The following VLDLR variants were observed in gnomAD, a reference collection of about 807,000 sequenced individuals.
VLDLR encodes the protein very low density lipoprotein receptor.
A neutral mutation model predicts 112.7 loss-of-function variants in VLDLR; 81 were observed. The ratio of observed to expected loss-of-function variants is 0.72; its 90% CI spans 0.60 to 0.86. The LOEUF is 0.86. Among genes scored for constraint, VLDLR ranks in the 40% least tolerant of loss-of-function variants. VLDLR has a pLI of 0.00. For missense variants in VLDLR, 1,237 were observed against 1,099.4 expected (o/e 1.13, Z -1.77); for synonymous variants, 436 against 384.8 (o/e 1.13, Z -1.56).
intron 1 of VLDLR, 28 bp downstream of exon 1, chr9:2,622,299 C>T (rs1361035567): frequency 2.8e-6 from 4 of 1,445,468 alleles, no homozygotes; most frequent in South Asian, 1.4e-5. Context: ...CCTCCGCCGG[C>T]GGGCGGGACC....
Position 2,645,724 on chromosome 9 carries a change from T to G in VLDLR, c.1463T>G (p.Leu488Arg). ...GCCCAGAAACTATTCTGGGCCGATCTAAGCCAAAAGGCTATCTTCAGGTAA... is the reference window on the plus strand; with the variant it reads ...GCCCAGAAACTATTCTGGGCCGATCGAAGCCAAAAGGCTATCTTCAGGTAA... Reference protein sequence around the residue: ...IAAQKLFWADLSQKAIFSASI... With the variant: ...IAAQKLFWADRSQKAIFSASI... The change falls in exon 10 of 19, where the codon CTA (leucine) becomes CGA (arginine). Residue 488 changes from leucine (L) to arginine (R), a missense_variant. Coordinates refer to ENST00000382100, the MANE Select transcript of VLDLR (RefSeq NM_003383.5). 1 of 1,614,230 alleles carries G rather than the reference T, an allele frequency of 6.2e-7. No individual in the cohort carries two copies. The highest frequency in any genetic ancestry group is 8.5e-7 in the Non-Finnish European group (1 of 1,180,028).
Position 2,621,998 on chromosome 9 carries a change from G to T in VLDLR, c.-192G>T. Reference sequence around the variant, plus strand: ...GAGGTGGCTGGGTGGGTGGGGAGGAGACTGTGCAAGTTGTAGGGGAGGGGG... The same window carrying T: ...GAGGTGGCTGGGTGGGTGGGGAGGATACTGTGCAAGTTGTAGGGGAGGGGG... On this transcript the variant is annotated 5_prime_UTR_variant, in exon 1 of 19. Transcript: ENST00000382100. 1 of 651,778 alleles carries T rather than the reference G, an allele frequency of 1.5e-6. No homozygotes were observed. The highest frequency in any genetic ancestry group is 1.7e-5 in the South Asian group (1 of 58,766). 40.4% of individuals were successfully genotyped at this position (651,778 alleles called of 1,614,324 possible).
chr9:2,631,986 C>T (rs998841222), intron 1 of VLDLR, among the ~76,000 whole-genome samples: 4 of 152,196 alleles, frequency 2.6e-5, no homozygotes, highest in African/African-American at 9.6e-5. Flanking sequence ...TGTGCATATT[C>T]TATAGTCTGA....
chr9:2,648,948 C>A, intron 14 of VLDLR, 138 bp downstream of exon 14: 1 of 1,062,624 alleles, frequency 9.4e-7, no homozygotes, highest in Non-Finnish European at 1.4e-6. Flanking sequence ...CTACCTTAAA[C>A]ATTTCACATG....
rs146905297 is a variant in VLDLR at position 2,658,789 on chromosome 9, G to T, written c.*4921G>T. 2 of 152,128 alleles carry T rather than the reference G, an allele frequency of 1.3e-5. No individual in the cohort carries two copies. The highest frequency in any genetic ancestry group is 2.1e-4 in the South Asian group (1 of 4,816). The allele number at this position is 152,128 out of a possible 1,614,324, so 9.4% of individuals were successfully genotyped here. ...TATTTACTGTCACACACAGGCACCG[G>T]TAAGTGACTTTACCGGTGAAAGTCA... On this transcript the variant is annotated 3_prime_UTR_variant, in exon 19 of 19. Transcript: ENST00000382100.
At position 2,657,588 on chromosome 9, in the gene VLDLR, T is replaced by C. The variant is rs1370159563; in HGVS notation, c.*3720T>C. ...TATATAATCCCCTGGGTATTACATA[T>C]TCTGCAAGCCCTGTTAGTGGGGAGA... is the stretch of plus-strand genomic sequence containing the variant. On this transcript the variant is annotated 3_prime_UTR_variant, in exon 19 of 19. Transcript: ENST00000382100. The C allele has an allele frequency of 2.6e-5, 4 of 152,198 alleles. No homozygotes were observed. Among genetic ancestry groups the C allele is most frequent in the Admixed American group, 2.6e-4 (4 of 15,272 alleles). The allele number at this position is 152,198 out of a possible 1,614,324, so 9.4% of individuals were successfully genotyped here.
intron 3 of VLDLR, among the ~76,000 whole-genome samples, chr9:2,641,118 C>G (rs114026290): frequency 1.6e-3 from 249 of 152,286 alleles, no homozygotes; most frequent in African/African-American, 5.7e-3. Context: ...AAAACAAAAG[C>G]CAGAACTGAG....
Position 2,658,804 on chromosome 9 carries a change from G to A in VLDLR, c.*4936G>A, listed in dbSNP as rs570293136. 1.3e-5 allele frequency: 2 copies of A among 152,216 alleles called. No individual in the cohort carries two copies. The highest frequency in any genetic ancestry group is 2.9e-5 in the Non-Finnish European group (2 of 68,038). The allele number at this position is 152,216 out of a possible 1,614,324, so 9.4% of individuals were successfully genotyped here. A position where few individuals can be genotyped will look rare whatever the true frequency, so the allele number is the denominator to read the frequency against. On this transcript the variant is annotated 3_prime_UTR_variant, in exon 19 of 19. Transcript: ENST00000382100. ...ACAGGCACCGGTAAGTGACTTTACCGGTGAAAGTCACAGGTACCTTTATCT... is the reference window on the plus strand; with the variant it reads ...ACAGGCACCGGTAAGTGACTTTACCAGTGAAAGTCACAGGTACCTTTATCT...
At chr9:2,645,291 A>G (rs1818018941) in intron 9 of VLDLR, among the ~76,000 whole-genome samples, 1 of 152,208 alleles carries the variant, frequency 6.6e-6, no homozygotes, top group African/African-American at 2.4e-5. Context: ...GATACCATGA[A>G]TACCTACCAG....
At chr9:2,639,103 C>T (rs988344907) in intron 2 of VLDLR, among the ~76,000 whole-genome samples, 3 of 152,224 alleles carry the variant, frequency 2.0e-5, no homozygotes, top group Non-Finnish European at 2.9e-5. Context: ...TTAGTCAGCT[C>T]AGACTGCTGT....
Position 2,643,309 on chromosome 9 carries a change from T to G in VLDLR, c.598T>G (p.Cys200Gly). 2 of 1,614,032 alleles carry G rather than the reference T, an allele frequency of 1.2e-6. No individual in the cohort carries two copies. Among genetic ancestry groups the G allele is most frequent in the Non-Finnish European group, 1.7e-6 (2 of 1,179,926 alleles). Residue 200 changes from cysteine to glycine, a missense_variant, in exon 5 of 19, where the codon TGC becomes GGC. Physicochemically the swap from Cys to Gly is radical, Grantham distance 159. Coordinates refer to ENST00000382100, the MANE Select transcript of VLDLR (RefSeq NM_003383.5). ...AACCTGTGGCGCCCATGAGTTCCAG[T>G]GCAGCACCTCCTCCTGCATCCCCAT... Reference protein sequence around the residue: ...PPTCGAHEFQCSTSSCIPISW... With the variant: ...PPTCGAHEFQGSTSSCIPISW...
chr9:2,643,620 C>G lies in VLDLR; in HGVS notation c.821-8C>G. 2 of 1,614,216 alleles carry G rather than the reference C, an allele frequency of 1.2e-6. No homozygotes were observed. Among genetic ancestry groups the G allele is most frequent in the Non-Finnish European group, 1.7e-6 (2 of 1,180,048 alleles). On this transcript the variant is annotated splice_region_variant and splice_polypyrimidine_tract_variant and intron_variant, in intron 5 of 18. Coordinates refer to ENST00000382100, the MANE Select transcript of VLDLR (RefSeq NM_003383.5). ...GGCTTCATTCCATGGTGTTTCCTCC[C>G]TTTGTAGCCTCTCGAACTTGCCGAC...
In VLDLR at chr9:2,646,478, T is replaced by A. The variant is rs1025820221; in HGVS notation, c.1629T>A (p.Asp543Glu). ...AGACTATTTCAGTAGCTACCCTAGA[T>A]GGAACCAAGAGGAAGTTCCTGTTTA... is the stretch of plus-strand genomic sequence containing the variant. Reference protein sequence around the residue: ...ASKTISVATLDGTKRKFLFNS... With the variant: ...ASKTISVATLEGTKRKFLFNS... Residue 543 changes from aspartate (D) to glutamate (E), a missense_variant, in exon 11 of 19, where the codon GAT becomes GAA. Transcript: ENST00000382100. 1.2e-6 allele frequency: 2 copies of A among 1,614,060 alleles called. No individual in the cohort carries two copies. The highest frequency in any genetic ancestry group is 1.7e-6 in the Non-Finnish European group (2 of 1,180,026).
At chr9:2,648,642 C>G (rs756489615) in intron 13 of VLDLR, 27 bp from the exon 14 acceptor site, 7 of 1,614,118 alleles carry the variant, frequency 4.3e-6, no homozygotes, top group Non-Finnish European at 5.1e-6. Flanking sequence ...CCTGGATGTA[C>G]ATGCTAATTG....
chr9:2,644,795 A>G lies in VLDLR; in HGVS notation c.1128A>G (p.Ile376Met), dbSNP rs1332100842. 1.9e-5 allele frequency: 30 copies of G among 1,614,106 alleles called. No homozygotes were observed. Among genetic ancestry groups the G allele is most frequent in the Non-Finnish European group, 2.4e-5 (28 of 1,180,050 alleles). Reference protein sequence around the residue: ...GCSHICKDLVIGYECDCAAGF... With the variant: ...GCSHICKDLVMGYECDCAAGF... Reference sequence around the variant, plus strand: ...CTCATATCTGCAAAGACCTAGTTATAGGCTACGAGTGTGACTGTGCAGCTG... The same window carrying G: ...CTCATATCTGCAAAGACCTAGTTATGGGCTACGAGTGTGACTGTGCAGCTG... The change falls in exon 8 of 19, where the codon ATA becomes ATG. Residue 376 changes from isoleucine (I) to methionine (M), a missense_variant. Transcript: ENST00000382100.
intron 2 of VLDLR, among the ~76,000 whole-genome samples, chr9:2,638,564 G>T (rs1817696014): frequency 6.6e-6 from 1 of 152,208 alleles, no homozygotes; most frequent in Non-Finnish European, 1.5e-5. Context: ...AGGGTATCCT[G>T]TGTGGCTACT....
chr9:2,650,344 T>C (rs770918128), intron 14 of VLDLR, 26 bp from the exon 15 acceptor site: 1 of 1,613,696 alleles, frequency 6.2e-7, no homozygotes, highest in Admixed American at 1.7e-5. Context: ...AATACCCATT[T>C]TAATGGTATT....
chr9:2,622,509 T>C, intron 1 of VLDLR: 1 of 434,324 alleles, frequency 2.3e-6, no homozygotes, highest in Non-Finnish European at 4.0e-6. Flanking sequence ...TGAACTAGTC[T>C]TCTGCCCCTC....
rs1818554770 is a variant in VLDLR, at chr9:2,655,298, A to AGTT, written c.*1431_*1433dup. ...GAGACAAAGAAAAAATTGTACAGGGAGTTTAGTGAATTTTCCATCAGGTTG... is the reference window on the plus strand; with the variant it reads ...GAGACAAAGAAAAAATTGTACAGGGAGTTGTTTAGTGAATTTTCCATCAGGTTG... On this transcript the variant is annotated 3_prime_UTR_variant, in exon 19 of 19. Transcript: ENST00000382100. The AGTT allele has an allele frequency of 6.6e-6, 1 of 152,118 alleles. No individual in the cohort carries two copies. The highest frequency in any genetic ancestry group is 2.4e-5 in the African/African-American group (1 of 41,426). The allele number at this position is 152,118 out of a possible 1,614,324, so 9.4% of individuals were successfully genotyped here.
Sources: allele counts gnomAD v4.1 joint callset (sites outside exome capture counted in the v4.1 genomes callset), GRCh38; gene constraint gnomAD v4.1.1; transcripts MANE v1.5; gene names NCBI Gene and HGNC (gene_info 2026-07-23, HGNC 2026-07-21).